The following ULK4 variants were observed in gnomAD, a reference collection of about 807,000 sequenced individuals.
ULK4 encodes unc-51 like kinase 4, also known as inactive serine/threonine-protein kinase ULK4.
A neutral mutation model predicts 160.6 loss-of-function variants in ULK4; 133 were observed. That is an observed-to-expected ratio of 0.83 (90% CI 0.72 to 0.96). ULK4 has a LOEUF of 0.96. Ranked by LOEUF, ULK4 falls within the 40% of genes least tolerant of loss-of-function variation. ULK4 has a pLI of 0.00. For missense variants in ULK4, 1,580 were observed against 1,499.5 expected (o/e 1.05, Z -0.89); for synonymous variants, 534 against 539.8 (o/e 0.99, Z 0.15).
chr3:41,516,308 T>C lies in ULK4; in HGVS notation c.3226+49717A>G, dbSNP rs544689676. On this transcript the variant is annotated intron_variant, in intron 32 of 36. Coordinates refer to ENST00000301831, the MANE Select transcript of ULK4 (RefSeq NM_017886.4). ...TTAATTTGGGAAGCAGAGTCAATAC[T>C]GTACTTTCTGCACTCACTTCTATAT... Among the ~76,000 whole-genome samples, 9 of 152,322 alleles carry C rather than the reference T, an allele frequency of 5.9e-5. No individual in the cohort carries two copies. In the East Asian group the frequency reaches 1.5e-3, roughly 26 times the overall value.
At chr3:41,343,635 A>T (rs907250050) in intron 35 of ULK4, among the ~76,000 whole-genome samples, 4 of 152,158 alleles carry the variant, frequency 2.6e-5, no homozygotes, top group Admixed American at 2.6e-4. Context: ...TTAAGTTGAT[A>T]AGCAACTTCA....
At chr3:41,430,689 G>A (rs1304472548) in intron 34 of ULK4, among the ~76,000 whole-genome samples, 1 of 152,172 alleles carries the variant, frequency 6.6e-6, no homozygotes, top group African/African-American at 2.4e-5. Context: ...CATGCTGCAT[G>A]GGAAAGGCCT....
intron 27 of ULK4, among the ~76,000 whole-genome samples, chr3:41,702,773 G>A (rs1002002490): frequency 4.0e-5 from 6 of 151,226 alleles, no homozygotes; most frequent in Non-Finnish European, 8.8e-5. Flanking sequence ...AATAGTAATA[G>A]GAGATTTATA....
chr3:41,285,013 G>A (rs1254527762), intron 35 of ULK4, among the ~76,000 whole-genome samples: 1 of 152,098 alleles, frequency 6.6e-6, no homozygotes, highest in East Asian at 1.9e-4. Context: ...TAATGATCAG[G>A]GAAACGCAAA....
At chr3:41,369,710 C>T (rs1216833642) in intron 35 of ULK4, among the ~76,000 whole-genome samples, 1 of 151,122 alleles carries the variant, frequency 6.6e-6, no homozygotes, top group African/African-American at 2.4e-5. Flanking sequence ...ATGAGAATCC[C>T]TTGAACTCGG....
At chr3:41,457,369 T>C (rs1402996412) in intron 33 of ULK4, among the ~76,000 whole-genome samples, 2 of 152,152 alleles carry the variant, frequency 1.3e-5, no homozygotes, top group Admixed American at 6.6e-5. Context: ...TCATACGTCA[T>C]AGTCGCCAAG....
intron 16 of ULK4, among the ~76,000 whole-genome samples, chr3:41,886,851 G>C (rs192651371): frequency 3.2e-4 from 49 of 152,312 alleles, no homozygotes; most frequent in Non-Finnish European, 5.1e-4. Context: ...TGAGATACAA[G>C]TGTGAGCCAC....
chr3:41,935,693 T>G, intron 4 of ULK4, 108 bp downstream of exon 4: 1 of 1,318,160 alleles, frequency 7.6e-7, no homozygotes, highest in Admixed American at 2.6e-5. Flanking sequence ...TAACTAAAAT[T>G]TCAAGATATT....
intron 32 of ULK4, among the ~76,000 whole-genome samples, chr3:41,471,872 TATTAC>T (rs2084000194): frequency 1.3e-5 from 2 of 151,304 alleles, no homozygotes; most frequent in Non-Finnish European, 2.9e-5. Flanking sequence ...GAAAAAAGTT[TATTAC>T]AATAAGTACC....
intron 35 of ULK4, among the ~76,000 whole-genome samples, chr3:41,389,654 G>A (rs1176023191): frequency 6.6e-6 from 1 of 152,154 alleles, no homozygotes; most frequent in African/African-American, 2.4e-5. Context: ...CTTTGGTTCT[G>A]TTTATATGCT....
intron 17 of ULK4, among the ~76,000 whole-genome samples, chr3:41,877,508 G>A (rs2125697983): frequency 6.6e-6 from 1 of 151,994 alleles, no homozygotes; most frequent in South Asian, 2.1e-4. Flanking sequence ...TGTATTTTTA[G>A]TAGAGATGGG....
intron 20 of ULK4, among the ~76,000 whole-genome samples, chr3:41,796,773 A>C (rs1415401159): frequency 6.6e-6 from 1 of 152,178 alleles, no homozygotes. Context: ...CAACAATGAC[A>C]CCACCCAGGG....
chr3:41,366,047 A>G (rs560057583), intron 35 of ULK4, among the ~76,000 whole-genome samples: 30 of 152,170 alleles, frequency 2.0e-4, no homozygotes, highest in Non-Finnish European at 4.1e-4. Context: ...TCCAATCCAC[A>G]AAGACAGGAC....
chr3:41,624,047 T>A (rs1230429370), intron 30 of ULK4, among the ~76,000 whole-genome samples: 1 of 152,212 alleles, frequency 6.6e-6, no homozygotes, highest in African/African-American at 2.4e-5. Context: ...ACAGTTTTGG[T>A]GACAAATGTT....
chr3:41,526,098 C>T (rs1284782145), intron 32 of ULK4, among the ~76,000 whole-genome samples: 3 of 152,206 alleles, frequency 2.0e-5, no homozygotes, highest in African/African-American at 4.8e-5. Context: ...CTCTGTCTCA[C>T]ACTTCCTTTG....
intron 19 of ULK4, among the ~76,000 whole-genome samples, chr3:41,807,918 T>G (rs1231045419): frequency 6.6e-6 from 1 of 152,148 alleles, no homozygotes; most frequent in Admixed American, 6.5e-5. Context: ...TTTGACAAAT[T>G]TGAAAAGAAA....
intron 35 of ULK4, among the ~76,000 whole-genome samples, chr3:41,345,604 A>C (rs899828231): frequency 6.6e-6 from 1 of 152,170 alleles, no homozygotes; most frequent in Admixed American, 6.5e-5. Context: ...GTGGGGAACC[A>C]CACACAGTGG....
intron 19 of ULK4, among the ~76,000 whole-genome samples, chr3:41,805,198 C>G (rs1388663173): frequency 1.3e-5 from 2 of 152,276 alleles, no homozygotes; most frequent in East Asian, 3.9e-4. Context: ...AGGTCCTTCA[C>G]GTCCCTTGTA....
intron 2 of ULK4, among the ~76,000 whole-genome samples, chr3:41,951,420 AAC>A (rs902750273): frequency 1.2e-4 from 18 of 151,938 alleles, no homozygotes; most frequent in African/African-American, 4.1e-4. Flanking sequence ...AAAGCTGGAA[AAC>A]ACACACTTCC....
Sources: gnomAD v4.1 joint callset for allele counts (sites outside exome capture counted in the v4.1 genomes callset) on GRCh38, gnomAD v4.1.1 for gene constraint, MANE v1.5 for transcripts, NCBI Gene and HGNC (gene_info 2026-07-23, HGNC 2026-07-21) for gene names.